The following FHIT variants were observed in gnomAD, a reference collection of about 807,000 sequenced individuals.
The protein encoded by FHIT is bis(5'-adenosyl)-triphosphatase.
FHIT carries 19 observed loss-of-function variants against 17.9 expected under a neutral mutation model. That is an observed-to-expected ratio of 1.06 (90% CI 0.74 to 1.56). The LOEUF is 1.56. Ranked by LOEUF, FHIT falls within the 40% of genes most tolerant of loss-of-function variation. The pLI, the probability that FHIT is intolerant of heterozygous loss-of-function variation, is 0.00. For missense variants in FHIT, 248 were observed against 189.2 expected (o/e 1.31, Z -1.82); for synonymous variants, 81 against 69.7 (o/e 1.16, Z -0.81).
chr3:60,539,951 A>C (rs2036129385), intron 4 of FHIT, among the ~76,000 whole-genome samples: 1 of 149,782 alleles, frequency 6.7e-6, no homozygotes, highest in Admixed American at 6.7e-5. Flanking sequence ...AAAAATATAT[A>C]TATATAAATA....
intron 4 of FHIT, among the ~76,000 whole-genome samples, chr3:60,623,177 C>CT (rs797026009): frequency 3.2e-4 from 48 of 152,254 alleles, no homozygotes; most frequent in African/African-American, 1.1e-3. Context: ...CAAGAAATAA[C>CT]TTTTTTAATG....
chr3:60,007,976 A>G (rs1299826131), intron 7 of FHIT, among the ~76,000 whole-genome samples: 1 of 152,178 alleles, frequency 6.6e-6, no homozygotes, highest in African/African-American at 2.4e-5. Flanking sequence ...TCACCTTAAA[A>G]TACTCAGTAT....
In FHIT at chr3:59,752,204, C is replaced by A; in HGVS notation, c.*5+17G>T. ...GCCCACGGGAGGGTCTGGGTAATGA[C>A]GAAATGCAGTCTTTACCTGTGTCAC... is the stretch of plus-strand genomic sequence containing the variant. On this transcript the variant is annotated intron_variant, in intron 9 of 9. Transcript: ENST00000492590. 1.3e-6 allele frequency: 2 copies of A among 1,588,598 alleles called. No homozygotes were observed. Among genetic ancestry groups the A allele is most frequent in the Non-Finnish European group, 1.7e-6 (2 of 1,159,916 alleles).
chr3:60,013,422 C>G (rs17061780), intron 6 of FHIT, among the ~76,000 whole-genome samples: 1 of 152,300 alleles, frequency 6.6e-6, no homozygotes, highest in Admixed American at 6.5e-5. Flanking sequence ...CAATTCCCTA[C>G]TGATGACTCA....
At chr3:60,539,462 T>G (rs1272993804) in intron 4 of FHIT, among the ~76,000 whole-genome samples, 1 of 152,232 alleles carries the variant, frequency 6.6e-6, no homozygotes, top group Admixed American at 6.5e-5. Context: ...CAAAGGATTA[T>G]AAATCATGCT....
intron 5 of FHIT, among the ~76,000 whole-genome samples, chr3:60,337,980 C>T (rs1156512344): frequency 6.6e-6 from 1 of 152,126 alleles, no homozygotes; most frequent in South Asian, 2.1e-4. Context: ...TTCGAAAAAT[C>T]GAACACCCAA....
chr3:60,364,708 G>C (rs1576543226), intron 5 of FHIT, among the ~76,000 whole-genome samples: 1 of 152,122 alleles, frequency 6.6e-6, no homozygotes. Context: ...TATCAGTGAG[G>C]GTGTTTCCAG....
intron 3 of FHIT, among the ~76,000 whole-genome samples, chr3:60,971,528 T>TC (rs1372518677): frequency 1.3e-5 from 2 of 152,036 alleles, no homozygotes; most frequent in African/African-American, 2.4e-5. Context: ...CAATCTTTTT[T>TC]TTTTTGCCCC....
chr3:60,625,629 C>T (rs1036188668), intron 4 of FHIT, among the ~76,000 whole-genome samples: 1 of 152,064 alleles, frequency 6.6e-6, no homozygotes, highest in East Asian at 1.9e-4. Context: ...TTTATATATT[C>T]TAGATACAAG....
chr3:60,180,019 T>A (rs999250910), intron 5 of FHIT, among the ~76,000 whole-genome samples: 2 of 152,186 alleles, frequency 1.3e-5, no homozygotes, highest in Non-Finnish European at 2.9e-5. Flanking sequence ...AATATATTTA[T>A]GTAATGTAAA....
chr3:59,915,090 C>T (rs1705067691), intron 8 of FHIT, among the ~76,000 whole-genome samples: 1 of 152,136 alleles, frequency 6.6e-6, no homozygotes, highest in South Asian at 2.1e-4. Context: ...GAGAGCAGAA[C>T]TGTGAGAAGC....
At chr3:61,070,779 A>G (rs1382973797) in intron 2 of FHIT, among the ~76,000 whole-genome samples, 2 of 152,152 alleles carry the variant, frequency 1.3e-5, no homozygotes, top group South Asian at 2.1e-4. Context: ...CATCCCTAAC[A>G]AGTGCCCAGT....
intron 8 of FHIT, among the ~76,000 whole-genome samples, chr3:59,797,469 G>C (rs1160907660): frequency 6.6e-6 from 1 of 152,176 alleles, no homozygotes. Flanking sequence ...TTACAGGTTT[G>C]AGCCACTGTG....
At chr3:59,862,289 T>C (rs1162148669) in intron 8 of FHIT, among the ~76,000 whole-genome samples, 1 of 152,186 alleles carries the variant, frequency 6.6e-6, no homozygotes, top group Non-Finnish European at 1.5e-5. Context: ...TCAGATCTTG[T>C]GAGACTTACT....
intron 3 of FHIT, among the ~76,000 whole-genome samples, chr3:61,012,147 T>C (rs1231949492): frequency 6.6e-6 from 1 of 152,164 alleles, no homozygotes. Context: ...TTTGCAGAGG[T>C]ATACTGAAAT....
chr3:60,957,968 T>A (rs1709249203), intron 3 of FHIT, among the ~76,000 whole-genome samples: 1 of 152,276 alleles, frequency 6.6e-6, no homozygotes, highest in Non-Finnish European at 1.5e-5. Context: ...ATTTTTTAAT[T>A]TTTAGCAGCT....
chr3:60,516,832 G>C (rs768913096), intron 5 of FHIT, among the ~76,000 whole-genome samples: 9 of 152,156 alleles, frequency 5.9e-5, no homozygotes, highest in Non-Finnish European at 1.2e-4. Flanking sequence ...GGGATCACTT[G>C]AGCGAAAGTG....
intron 3 of FHIT, among the ~76,000 whole-genome samples, chr3:60,957,684 A>C (rs1276494590): frequency 6.6e-6 from 1 of 152,238 alleles, no homozygotes; most frequent in Non-Finnish European, 1.5e-5. Flanking sequence ...GGAGACACAG[A>C]AGTCATAGCT....
rs1435858627 is a variant in FHIT at position 60,164,151 on chromosome 3, T to A, written c.104-149999A>T. Among the ~76,000 whole-genome samples the A allele has an allele frequency of 2.6e-5, 4 of 152,114 alleles. No homozygotes were observed. In the East Asian group the frequency reaches 7.7e-4, roughly 29 times the overall value. The stretch of plus-strand genomic sequence containing the variant: ...GGAAGACTGCTGAAGCTTTTTTGAA[T>A]AAAAAATAATGCCAGCAGAGTTCAG... On this transcript the variant is annotated intron_variant, in intron 5 of 9. Transcript: ENST00000492590.
Sources: allele counts gnomAD v4.1 joint callset (sites outside exome capture counted in the v4.1 genomes callset), GRCh38; gene constraint gnomAD v4.1.1; transcripts MANE v1.5; gene names NCBI Gene and HGNC (gene_info 2026-07-23, HGNC 2026-07-21).